POC1B: variants seen among roughly 807,000 people sequenced by gnomAD.
POC1B encodes the protein POC1 centriolar protein B.
In POC1B, 44 loss-of-function variants were observed where a neutral mutation model predicts 60.6. The ratio of observed to expected loss-of-function variants is 0.73; its 90% CI spans 0.57 to 0.93. POC1B has a LOEUF of 0.93. Ranked by LOEUF, POC1B falls within the 40% of genes least tolerant of loss-of-function variation. The pLI is 0.00. For missense variants in POC1B, 555 were observed against 572.3 expected, an observed-to-expected ratio of 0.97 and a Z score of 0.31; for synonymous variants, 180 against 198.9, an observed-to-expected ratio of 0.90 and a Z score of 0.80.
chr12:89,424,205 T>C (rs951769074), intron 11 of POC1B, among the ~76,000 whole-genome samples: 5 of 152,054 alleles, frequency 3.3e-5, no homozygotes, highest in Non-Finnish European at 5.9e-5. Context: ...TTCACTTAAA[T>C]TAGTGGTTTT....
At chr12:89,486,903 T>A (rs1051451513) in intron 4 of POC1B, among the ~76,000 whole-genome samples, 53 of 150,696 alleles carry the variant, frequency 3.5e-4, no homozygotes, top group African/African-American at 9.3e-4. Context: ...TCTCTCTCTC[T>A]CACACACACA....
At chr12:89,489,277 T>A (rs1450235315) in intron 4 of POC1B, among the ~76,000 whole-genome samples, 1 of 152,220 alleles carries the variant, frequency 6.6e-6, no homozygotes, top group Non-Finnish European at 1.5e-5. Flanking sequence ...TACTATCATC[T>A]TCTTATTTTC....
At chr12:89,503,947 G>A (rs1291656181) in intron 2 of POC1B, among the ~76,000 whole-genome samples, 2 of 151,618 alleles carry the variant, frequency 1.3e-5, no homozygotes, top group African/African-American at 4.8e-5. Flanking sequence ...GGGAAGTGAG[G>A]AGCGTCTCCG....
chr12:89,411,114 T>C, the POC1B span, among the ~76,000 whole-genome samples: 1 of 152,008 alleles, frequency 6.6e-6, no homozygotes, highest in Non-Finnish European at 1.5e-5. Context: ...CTCAAGGAAA[T>C]AAGGGAGGAC....
chr12:89,523,833 C>T (rs372531645), intron 2 of POC1B: 53 of 1,541,856 alleles, frequency 3.4e-5, no homozygotes, highest in African/African-American at 2.6e-4. Flanking sequence ...TTTCCAAAAG[C>T]GGTTCCAGCC....
chr12:89,514,571 G>C (rs1459193745), intron 2 of POC1B, among the ~76,000 whole-genome samples: 1 of 151,590 alleles, frequency 6.6e-6, no homozygotes. Flanking sequence ...ACCACACCTG[G>C]CTAATTTTTT....
chr12:89,505,920 A>G (rs1456835278), intron 2 of POC1B, among the ~76,000 whole-genome samples: 2 of 152,206 alleles, frequency 1.3e-5, no homozygotes, highest in Non-Finnish European at 2.9e-5. Flanking sequence ...TGTAGGGTCT[A>G]TGAGACTTGC....
chr12:89,513,250 G>A (rs187055298), intron 2 of POC1B, among the ~76,000 whole-genome samples: 317 of 128,932 alleles, frequency 2.5e-3, no homozygotes, highest in Non-Finnish European at 2.6e-3. Context: ...TCAAGAATTT[G>A]AAAAAAAAAA....
intron 10 of POC1B, among the ~76,000 whole-genome samples, chr12:89,438,016 A>G (rs1217015735): frequency 6.7e-6 from 1 of 149,910 alleles, no homozygotes; most frequent in Non-Finnish European, 1.5e-5. Context: ...GTGCCACTGC[A>G]CTCCAGCCTG....
At chr12:89,502,396 T>G in intron 2 of POC1B, 2 of 1,546,808 alleles carry the variant, frequency 1.3e-6, no homozygotes, top group Non-Finnish European at 1.8e-6. Flanking sequence ...AGGAAGGCCA[T>G]CAGGAGGATT....
At chr12:89,502,712 T>C (rs1869636315) in intron 2 of POC1B, 19 of 1,350,202 alleles carry the variant, frequency 1.4e-5, no homozygotes, top group Middle Eastern at 2.3e-4. Flanking sequence ...ACCCTTTTTT[T>C]CTACTGGGAA....
chr12:89,523,847 C>T (rs757967406), intron 2 of POC1B: 10 of 1,546,784 alleles, frequency 6.5e-6, no homozygotes, highest in Admixed American at 2.1e-5. Flanking sequence ...TCCAGCCAAC[C>T]GGAATTACAC....
At chr12:89,510,867 C>T (rs1415532191) in intron 2 of POC1B, among the ~76,000 whole-genome samples, 1 of 150,676 alleles carries the variant, frequency 6.6e-6, no homozygotes, top group African/African-American at 2.4e-5. Flanking sequence ...AAGCAATTCT[C>T]CTGCCTCAGC....
chr12:89,470,661 C>T (rs1882855259), intron 6 of POC1B, among the ~76,000 whole-genome samples, 167 bp from the exon 7 acceptor site: 1 of 152,218 alleles, frequency 6.6e-6, no homozygotes, highest in Non-Finnish European at 1.5e-5. Context: ...TAGCTCTAAG[C>T]TTCCAGTTAG....
chr12:89,464,478 TAA>T (rs1882597510), intron 9 of POC1B, among the ~76,000 whole-genome samples: 2 of 135,012 alleles, frequency 1.5e-5, no homozygotes, highest in South Asian at 4.7e-4. Flanking sequence ...GACTTTTTTA[TAA>T]GAGTTTTTTT....
chr12:89,472,391 C>G (rs1882934697), intron 4 of POC1B, 116 bp from the exon 5 acceptor site: 2 of 661,330 alleles, frequency 3.0e-6, no homozygotes, highest in Non-Finnish European at 5.1e-6. Context: ...ACCACTGTTA[C>G]CATCCCATGC....
intron 4 of POC1B, 32 bp from the exon 5 acceptor site, chr12:89,472,307 T>A: frequency 6.9e-7 from 1 of 1,447,986 alleles, no homozygotes; most frequent in Non-Finnish European, 9.6e-7. Flanking sequence ...ATGTTTTATG[T>A]GAAAGGCTCT....
chr12:89,470,312 ATTATT>A (rs762664793), intron 7 of POC1B, 44 bp downstream of exon 7: 17 of 1,009,662 alleles, frequency 1.7e-5, no homozygotes, highest in Middle Eastern at 7.7e-4. Context: ...TAAAATATAT[ATTATT>A]TTATATTTTT....
At chr12:89,457,961 A>T (rs57926799) in intron 10 of POC1B, among the ~76,000 whole-genome samples, 21 of 152,194 alleles carry the variant, frequency 1.4e-4, no homozygotes, top group African/African-American at 5.1e-4. Flanking sequence ...CTATACTACA[A>T]GGGACATCCT....
Sources: gnomAD v4.1 joint callset for allele counts (sites outside exome capture counted in the v4.1 genomes callset) on GRCh38, gnomAD v4.1.1 for gene constraint, MANE v1.5 for transcripts, NCBI Gene and HGNC (gene_info 2026-07-23, HGNC 2026-07-21) for gene names.